The following CSMD1 variants were observed in gnomAD, a reference collection of about 807,000 sequenced individuals.
CSMD1 encodes the protein CUB and sushi domain-containing protein 1.
Under a neutral mutation model 417.5 loss-of-function variants are expected in CSMD1, and 213 were observed. The observed-to-expected ratio is 0.51, with a 90% CI of 0.46 to 0.57. The LOEUF (loss-of-function observed/expected upper bound fraction) is 0.57, where lower values mean the gene tolerates loss of function less well. Among genes scored for constraint, CSMD1 ranks in the 20% least tolerant of loss-of-function variants. The pLI is 0.00. For synonymous variants in CSMD1, 2,862 were observed against 1,736.8 expected (o/e 1.65, Z -16.11); for missense variants, 6,923 against 4,529.7 (o/e 1.53, Z -15.17).
At chr8:4,223,698 G>C (rs1801180603) in intron 3 of CSMD1, among the ~76,000 whole-genome samples, 1 of 152,180 alleles carries the variant, frequency 6.6e-6, no homozygotes, top group Admixed American at 6.5e-5. Flanking sequence ...TCCAGAGCCT[G>C]AATATTTTTT....
intron 5 of CSMD1, among the ~76,000 whole-genome samples, chr8:3,782,066 A>T (rs1039535205): frequency 3.9e-5 from 6 of 152,188 alleles, no homozygotes. Context: ...AATACTTGGA[A>T]GGAGAGTTTG....
At chr8:4,274,315 C>G (rs145486732) in intron 3 of CSMD1, among the ~76,000 whole-genome samples, 5 of 152,180 alleles carry the variant, frequency 3.3e-5, no homozygotes, top group Admixed American at 3.3e-4. Flanking sequence ...AACTGGCATA[C>G]GTGGGGAGGA....
intron 1 of CSMD1, among the ~76,000 whole-genome samples, chr8:4,729,946 G>T (rs75517464): frequency 3.3e-5 from 5 of 152,060 alleles, no homozygotes; most frequent in African/African-American, 4.8e-5. Context: ...TGACTTGTGC[G>T]CACACACTGC....
chr8:3,938,229 T>C (rs1041239581), intron 5 of CSMD1, among the ~76,000 whole-genome samples: 8 of 152,126 alleles, frequency 5.3e-5, no homozygotes, highest in Non-Finnish European at 1.0e-4. Context: ...GATGAAGCCA[T>C]GTGTAAAATG....
chr8:4,524,055 G>A (rs534120804), intron 2 of CSMD1, among the ~76,000 whole-genome samples: 1 of 152,136 alleles, frequency 6.6e-6, no homozygotes, highest in South Asian at 2.1e-4. Context: ...AATCCTCCCT[G>A]TGTTTTTTAG....
intron 5 of CSMD1, among the ~76,000 whole-genome samples, chr8:3,793,809 G>A (rs549480277): frequency 2.0e-5 from 3 of 152,164 alleles, no homozygotes; most frequent in South Asian, 2.1e-4. Flanking sequence ...TTATGCCCCA[G>A]GGCACTAAAT....
At chr8:3,191,602 G>A (rs1796427492) in intron 33 of CSMD1, among the ~76,000 whole-genome samples, 1 of 152,130 alleles carries the variant, frequency 6.6e-6, no homozygotes, top group Non-Finnish European at 1.5e-5. Context: ...CATGGGCTTT[G>A]GATAGTGGGT....
chr8:3,083,648 A>T (rs13255566), intron 49 of CSMD1, among the ~76,000 whole-genome samples: 508 of 13,468 alleles, frequency 0.038, 11 homozygotes, highest in Admixed American at 0.073. Flanking sequence ...ATATATATAT[A>T]TTTTTTTTTT....
chr8:4,073,149 T>A lies in CSMD1; in HGVS notation c.416-41050A>T, dbSNP rs1178456523. Among the ~76,000 whole-genome samples the A allele has an allele frequency of 2.0e-5, 3 of 152,160 alleles. No homozygotes were observed. In the East Asian group the frequency reaches 5.8e-4, roughly 29 times the overall value. ...AATTGGCAGAACATGAAAACTTTTG[T>A]GATTTCACTTTTAGAAAAAATCGAG... On this transcript the variant is annotated intron_variant, in intron 3 of 69. Coordinates refer to ENST00000635120, the MANE Select transcript of CSMD1 (RefSeq NM_033225.6).
intron 2 of CSMD1, among the ~76,000 whole-genome samples, chr8:4,542,402 C>G (rs1318347836): frequency 6.6e-6 from 1 of 151,996 alleles, no homozygotes; most frequent in Non-Finnish European, 1.5e-5. Context: ...GAAGAATAAC[C>G]ATTAAAAATC....
At chr8:3,199,529 C>T (rs1796878758) in intron 33 of CSMD1, among the ~76,000 whole-genome samples, 185 bp downstream of exon 33, 2 of 151,990 alleles carry the variant, frequency 1.3e-5, no homozygotes, top group African/African-American at 2.4e-5. Flanking sequence ...ATATGAGTTT[C>T]AACTGTCAAA....
At chr8:3,742,709 G>C (rs953185902) in intron 6 of CSMD1, among the ~76,000 whole-genome samples, 1 of 151,744 alleles carries the variant, frequency 6.6e-6, no homozygotes, top group Non-Finnish European at 1.5e-5. Context: ...TGAGAAGCTT[G>C]CATAGGATCA....
At chr8:4,342,205 CTGTGTGTGTGTGTG>C (rs58235838) in intron 3 of CSMD1, among the ~76,000 whole-genome samples, 4 of 150,688 alleles carry the variant, frequency 2.7e-5, no homozygotes, top group African/African-American at 9.7e-5. Flanking sequence ...AGTGCTGTGT[CTGTGTGTGTGTGTG>C]TGTGTGTGTG....
At chr8:3,163,129 T>C (rs1454350674) in intron 37 of CSMD1, among the ~76,000 whole-genome samples, 1 of 152,204 alleles carries the variant, frequency 6.6e-6, no homozygotes, top group East Asian at 1.9e-4. Context: ...TGGATGTTGA[T>C]GGATATATTA....
At chr8:3,302,642 T>G (rs1462012454) in intron 25 of CSMD1, among the ~76,000 whole-genome samples, 3 of 152,186 alleles carry the variant, frequency 2.0e-5, no homozygotes, top group Non-Finnish European at 4.4e-5. Flanking sequence ...ATGCACTGAA[T>G]AGCAGGCACC....
At chr8:3,068,541 A>G (rs1026849158) in intron 49 of CSMD1, among the ~76,000 whole-genome samples, 2 of 151,968 alleles carry the variant, frequency 1.3e-5, no homozygotes, top group African/African-American at 4.9e-5. Flanking sequence ...AGACTGGGTA[A>G]TTTATAAAGA....
intron 2 of CSMD1, among the ~76,000 whole-genome samples, chr8:4,613,177 T>A (rs903119927): frequency 2.0e-5 from 3 of 152,196 alleles, no homozygotes; most frequent in African/African-American, 7.2e-5. Context: ...ACAATTCTAA[T>A]TCATTTAAAT....
intron 3 of CSMD1, among the ~76,000 whole-genome samples, chr8:4,113,384 A>G (rs1288541826): frequency 1.4e-5 from 2 of 147,188 alleles, no homozygotes; most frequent in Non-Finnish European, 3.0e-5. Flanking sequence ...AAGGAAAATA[A>G]AAGGGCTTTT....
Position 3,494,619 on chromosome 8 carries a change from T to A in CSMD1, c.1345-893A>T, listed in dbSNP as rs147784883. On this transcript the variant is annotated intron_variant, in intron 10 of 69. Transcript: ENST00000635120. The stretch of plus-strand genomic sequence containing the variant: ...AGATAGATAGATAGATGACAGATAG[T>A]AGATAGATGACAGACTGGATGGATG... Among the ~76,000 whole-genome samples, 467 of 151,216 alleles carry A rather than the reference T, an allele frequency of 3.1e-3. 1 individual carries two copies. Among genetic ancestry groups the A allele is most frequent in the African/African-American group, 0.011 (445 of 41,148 alleles).
Sources: gnomAD v4.1 joint callset for allele counts (sites outside exome capture counted in the v4.1 genomes callset) on GRCh38, gnomAD v4.1.1 for gene constraint, MANE v1.5 for transcripts, NCBI Gene and HGNC (gene_info 2026-07-23, HGNC 2026-07-21) for gene names.